The following MS4A6A variants were observed in gnomAD, a reference collection of about 807,000 sequenced individuals.
MS4A6A encodes membrane spanning 4-domains A6A.
Under a neutral mutation model 20.6 loss-of-function variants are expected in MS4A6A, and 19 were observed. The ratio of observed to expected loss-of-function variants is 0.92; its 90% CI spans 0.64 to 1.36. The LOEUF (loss-of-function observed/expected upper bound fraction) is 1.36, where lower values mean the gene tolerates loss of function less well. Ranked by LOEUF, MS4A6A falls within the 40% of genes most tolerant of loss-of-function variation. MS4A6A has a pLI of 0.00. For missense variants in MS4A6A, 272 were observed against 261.1 expected, an observed-to-expected ratio of 1.04 and a Z score of -0.29; for synonymous variants, 108 against 105.0, an observed-to-expected ratio of 1.03 and a Z score of -0.17.
Position 60,179,840 on chromosome 11 carries a change from TCCTATGA to T in MS4A6A, c.266_272del (p.Phe89TyrfsTer19). On this transcript the variant is annotated frameshift_variant, in exon 3 of 6. Transcript: ENST00000528851. LOFTEE classifies it high-confidence loss of function. Reference sequence around the variant, plus strand: ...CAGAAACTCTACTCACAAAAAAGGGTCCTATGAATGGGTAAGCAGAGTTCAACAGTGT... The same window carrying T: ...CAGAAACTCTACTCACAAAAAAGGGTATGGGTAAGCAGAGTTCAACAGTGT... 1 of 1,613,988 alleles carries T rather than the reference TCCTATGA, an allele frequency of 6.2e-7. No individual in the cohort carries two copies. Among genetic ancestry groups the T allele is most frequent in the Non-Finnish European group, 8.5e-7 (1 of 1,179,972 alleles).
At chr11:60,174,450 C>T (rs1856736967) in intron 5 of MS4A6A, among the ~76,000 whole-genome samples, 2 of 152,052 alleles carry the variant, frequency 1.3e-5, no homozygotes, top group South Asian at 2.1e-4. Flanking sequence ...CTCAGCCTCC[C>T]AAGTAGCTGG....
At chr11:60,179,214 C>A (rs954800664) in intron 3 of MS4A6A, among the ~76,000 whole-genome samples, 1 of 152,144 alleles carries the variant, frequency 6.6e-6, no homozygotes, top group Non-Finnish European at 1.5e-5. Context: ...GGGAAACTTA[C>A]CTATGAGAAA....
At chr11:60,179,707 A>T (rs769000424) in intron 3 of MS4A6A, 124 bp downstream of exon 3, 49 of 1,108,216 alleles carry the variant, frequency 4.4e-5, no homozygotes, top group Non-Finnish European at 5.9e-5. Flanking sequence ...GGAGAACAAG[A>T]TTCACCGTTG....
intron 2 of MS4A6A, chr11:60,180,176 C>A: frequency 1.7e-6 from 1 of 586,660 alleles, no homozygotes; most frequent in Non-Finnish European, 3.0e-6. Flanking sequence ...AGGTGTCTGG[C>A]AGGTGCTCAG....
upstream of MS4A6A, chr11:60,183,273 G>A (rs201388539): frequency 1.4e-5 from 17 of 1,173,404 alleles, no homozygotes; most frequent in East Asian, 1.6e-4. Context: ...TTGCCACTTC[G>A]AGACATACAA....
upstream of MS4A6A, chr11:60,184,133 C>T (rs549928989): frequency 1.3e-5 from 2 of 152,348 alleles, no homozygotes; most frequent in East Asian, 3.9e-4. Flanking sequence ...CACATTAACT[C>T]TCCTGTTGAA....
At chr11:60,182,351 T>C (rs1257904508) in intron 1 of MS4A6A, 1 of 152,346 alleles carries the variant, frequency 6.6e-6, no homozygotes, top group Non-Finnish European at 1.5e-5. Context: ...GAGTTAATGC[T>C]GAAGAAATAT....
At chr11:60,181,245 A>G (rs1347722469) in intron 2 of MS4A6A, 3 of 403,194 alleles carry the variant, frequency 7.4e-6, no homozygotes, top group Non-Finnish European at 1.4e-5. Flanking sequence ...ATTATTAAGC[A>G]TGCAGTTGTG....
intron 4 of MS4A6A, among the ~76,000 whole-genome samples, chr11:60,175,908 G>T (rs2134772743): frequency 6.6e-6 from 1 of 152,254 alleles, no homozygotes; most frequent in East Asian, 1.9e-4. Context: ...CTTTCATGAG[G>T]CTTTACCTGC....
At chr11:60,181,531 T>G (rs1210590093) in intron 2 of MS4A6A, 50 bp downstream of exon 2, 1 of 1,606,144 alleles carries the variant, frequency 6.2e-7, no homozygotes, top group African/African-American at 1.3e-5. Context: ...ATATATCATC[T>G]CTTGGCACTT....
In MS4A6A at chr11:60,172,791, T is replaced by C. The variant is rs561343679; in HGVS notation, c.*210A>G. ...TCCCTTCGCTGACAAAATAGGAAGA[T>C]TGAATCAGTTGATTTCTCATGATTA... On this transcript the variant is annotated 3_prime_UTR_variant, in exon 6 of 6. Coordinates refer to ENST00000528851, the MANE Select transcript of MS4A6A (RefSeq NM_022349.4). The C allele has an allele frequency of 7.5e-7, 1 of 1,338,874 alleles. No homozygotes were observed. Among genetic ancestry groups the C allele is most frequent in the African/African-American group, 1.5e-5 (1 of 67,638 alleles). 82.9% of individuals were successfully genotyped at this position (1,338,874 alleles called of 1,614,324 possible).
upstream of MS4A6A, chr11:60,183,257 T>G (rs993858803): frequency 1.6e-4 from 214 of 1,346,274 alleles, 1 homozygote; most frequent in Non-Finnish European, 1.9e-4. Flanking sequence ...GAGCCTTATG[T>G]GTGAATTGCC....
At chr11:60,182,924 T>G (rs2134820500) in intron 1 of MS4A6A, 54 bp downstream of exon 1, 6 of 1,141,000 alleles carry the variant, frequency 5.3e-6, no homozygotes, top group South Asian at 5.1e-5. Context: ...ACTCCTCTAA[T>G]GAGGTCACGG....
chr11:60,179,371 G>T, intron 3 of MS4A6A: 1 of 336,478 alleles, frequency 3.0e-6, no homozygotes, highest in Non-Finnish European at 5.5e-6. Context: ...AGTCAATGCA[G>T]TAAAAGTATT....
At chr11:60,183,559 A>G, upstream of MS4A6A, among the ~76,000 whole-genome samples, 1 of 152,218 alleles carries the variant, frequency 6.6e-6, no homozygotes, top group Admixed American at 6.5e-5. Flanking sequence ...ACATTCATTA[A>G]TATATAGCTA....
intron 2 of MS4A6A, 73 bp from the exon 3 acceptor site, chr11:60,180,038 T>C: frequency 2.1e-6 from 3 of 1,439,232 alleles, no homozygotes; most frequent in South Asian, 1.3e-5. Context: ...GCCGCTCCCA[T>C]GGCACTAATG....
chr11:60,171,631 G>A (rs1286138803), downstream of MS4A6A, among the ~76,000 whole-genome samples: 2 of 152,150 alleles, frequency 1.3e-5, no homozygotes, highest in African/African-American at 4.8e-5. Flanking sequence ...TTATTTTGAA[G>A]CCAGCTACTT....
chr11:60,181,659 T>G lies in MS4A6A; in HGVS notation c.69A>C (p.Gln23His), dbSNP rs548637266. The G allele has an allele frequency of 1.2e-6, 2 of 1,614,122 alleles. No individual in the cohort carries two copies. Among genetic ancestry groups the G allele is most frequent in the Admixed American group, 3.3e-5 (2 of 60,012 alleles). ...VLPSNVINFS[Q>H]AEKPEPTNQG... Reference sequence around the variant, plus strand: ...GGTTGGTGGGTTCGGGTTTCTCTGCTTGGGAGAAGTTGATGACATTTGATG... The same window carrying G: ...GGTTGGTGGGTTCGGGTTTCTCTGCGTGGGAGAAGTTGATGACATTTGATG... The change falls in exon 2 of 6, where the codon CAA (glutamine) becomes CAC (histidine). Residue 23 changes from glutamine to histidine, a missense_variant. Physicochemically the swap from Gln to His is conservative, Grantham distance 24. Coordinates refer to ENST00000528851, the MANE Select transcript of MS4A6A (RefSeq NM_022349.4).
At chr11:60,177,761 T>C (rs1284111734) in intron 4 of MS4A6A, among the ~76,000 whole-genome samples, 1 of 152,138 alleles carries the variant, frequency 6.6e-6, no homozygotes, top group Non-Finnish European at 1.5e-5. Flanking sequence ...TAAAGGAACC[T>C]GAGGAGACAT....
Sources: allele counts gnomAD v4.1 joint callset (sites outside exome capture counted in the v4.1 genomes callset), GRCh38; gene constraint gnomAD v4.1.1; transcripts MANE v1.5; gene names NCBI Gene and HGNC (gene_info 2026-07-23, HGNC 2026-07-21).